NAV2: variants seen among roughly 807,000 people sequenced by gnomAD.
NAV2 encodes the protein neuron navigator 2.
In NAV2, 54 loss-of-function variants were observed where a neutral mutation model predicts 223.2. That is an observed-to-expected ratio of 0.24 (90% CI 0.19 to 0.30). NAV2 has a LOEUF of 0.30. Among genes scored for constraint, NAV2 ranks in the 10% least tolerant of loss-of-function variants. NAV2 has a pLI of 1.00. For missense variants in NAV2, 2,806 were observed against 3,147.5 expected (o/e 0.89, Z 2.60); for synonymous variants, 1,279 against 1,239.3 (o/e 1.03, Z -0.67).
At chr11:19,842,419 A>G (rs2060556052) in intron 2 of NAV2, among the ~76,000 whole-genome samples, 1 of 152,198 alleles carries the variant, frequency 6.6e-6, no homozygotes, top group Admixed American at 6.5e-5. Context: ...AACAAAAGCA[A>G]TATTAATCTG....
At chr11:20,068,053 G>A in intron 20 of NAV2, 133 bp from the exon 21 acceptor site, 1 of 831,900 alleles carries the variant, frequency 1.2e-6, no homozygotes, top group East Asian at 2.5e-5. Flanking sequence ...TTTTTCCAGA[G>A]AAATACACCA....
At chr11:19,474,050 C>G (rs939117435) in intron 1 of NAV2, among the ~76,000 whole-genome samples, 6 of 152,174 alleles carry the variant, frequency 3.9e-5, no homozygotes, top group African/African-American at 1.4e-4. Flanking sequence ...ATAGCCCTCT[C>G]TAGAGCACTG....
chr11:19,854,303 G>A (rs1186370854), intron 3 of NAV2, among the ~76,000 whole-genome samples: 1 of 152,152 alleles, frequency 6.6e-6, no homozygotes, highest in Non-Finnish European at 1.5e-5. Flanking sequence ...GTTAGCCTAT[G>A]GCATCTGCAT....
exon 1 of NAV2, chr11:19,350,915 G>T: frequency 6.5e-7 from 1 of 1,543,688 alleles, no homozygotes; most frequent in Non-Finnish European, 8.8e-7. Context: ...GGATTTGGAA[G>T]CATCGCTGAA....
At chr11:19,902,918 A>G (rs552526203) in intron 6 of NAV2, among the ~76,000 whole-genome samples, 110 of 152,212 alleles carry the variant, frequency 7.2e-4, no homozygotes, top group Non-Finnish European at 1.4e-3. Context: ...CATGTTCACA[A>G]TGTGAAGTGC....
intron 1 of NAV2, among the ~76,000 whole-genome samples, chr11:19,593,712 G>A (rs1208007878): frequency 6.6e-6 from 1 of 151,234 alleles, no homozygotes; most frequent in Non-Finnish European, 1.5e-5. Context: ...ATTTGGTGTT[G>A]CCACTATTTT....
intron 1 of NAV2, among the ~76,000 whole-genome samples, chr11:19,612,537 A>T (rs2135343008): frequency 6.6e-6 from 1 of 152,294 alleles, no homozygotes; most frequent in South Asian, 2.1e-4. Flanking sequence ...CAGATACCCT[A>T]AATCATCTCT....
chr11:19,884,177 AG>A (rs899072176), intron 5 of NAV2: 28 of 686,398 alleles, frequency 4.1e-5, no homozygotes, highest in Admixed American at 7.0e-5. Flanking sequence ...AACAGTGGGC[AG>A]GGGGGGAAAG....
At chr11:19,899,128 G>A (rs1241678310) in intron 6 of NAV2, among the ~76,000 whole-genome samples, 3 of 152,106 alleles carry the variant, frequency 2.0e-5, no homozygotes, top group Non-Finnish European at 2.9e-5. Flanking sequence ...AGCGCCATCC[G>A]TGATCCATGC....
intron 1 of NAV2, among the ~76,000 whole-genome samples, chr11:19,453,271 T>A (rs1398714891): frequency 2.0e-5 from 3 of 152,088 alleles, no homozygotes; most frequent in African/African-American, 7.2e-5. Context: ...AACAGGTGGA[T>A]CCCAGCTGAG....
chr11:20,094,742 A>G (rs530107558), intron 29 of NAV2, among the ~76,000 whole-genome samples: 1 of 152,274 alleles, frequency 6.6e-6, no homozygotes, highest in South Asian at 2.1e-4. Context: ...GACCCCAAAC[A>G]TTACTTATTT....
intron 1 of NAV2, among the ~76,000 whole-genome samples, chr11:19,683,123 T>C (rs951313314): frequency 2.0e-5 from 3 of 152,166 alleles, no homozygotes; most frequent in African/African-American, 7.2e-5. Flanking sequence ...TATTAAATGA[T>C]CCTTAAATTT....
chr11:19,691,656 C>T (rs1367072398), intron 1 of NAV2, among the ~76,000 whole-genome samples: 1 of 152,188 alleles, frequency 6.6e-6, no homozygotes, highest in Non-Finnish European at 1.5e-5. Context: ...CAAGCTCCGC[C>T]TCTCAGGTTC....
intron 6 of NAV2, among the ~76,000 whole-genome samples, chr11:19,926,841 G>C (rs2044795769): frequency 6.6e-6 from 1 of 152,054 alleles, no homozygotes; most frequent in Non-Finnish European, 1.5e-5. Context: ...GCAGTGACAG[G>C]AGCTGGGATC....
intron 1 of NAV2, among the ~76,000 whole-genome samples, chr11:19,697,363 C>CCCAA (rs2049374956): frequency 6.6e-6 from 1 of 151,914 alleles, no homozygotes. Flanking sequence ...TCGTTGAGAC[C>CCCAA]CCAAGCCTCT....
At chr11:19,688,066 G>A (rs998418373) in intron 1 of NAV2, among the ~76,000 whole-genome samples, 8 of 152,198 alleles carry the variant, frequency 5.3e-5, no homozygotes, top group Non-Finnish European at 1.2e-4. Flanking sequence ...CATAGAATGG[G>A]ATGAAAGAGG....
At chr11:19,743,959 T>A (rs1411017299) in intron 1 of NAV2, among the ~76,000 whole-genome samples, 2 of 152,158 alleles carry the variant, frequency 1.3e-5, no homozygotes, top group Admixed American at 1.3e-4. Flanking sequence ...CCTATTTGGG[T>A]TGTAGTATGC....
At chr11:19,696,599 T>G (rs1428890629) in intron 1 of NAV2, among the ~76,000 whole-genome samples, 1 of 152,240 alleles carries the variant, frequency 6.6e-6, no homozygotes, top group Non-Finnish European at 1.5e-5. Context: ...GATCATGGTT[T>G]ACTGGTTCTG....
rs7130789 is a variant in NAV2, at chr11:19,976,350, A to G, written c.2646-7775A>G. ...AGGCGTGTGTTGAGTTGAGCTGCAG[A>G]CAGCGACTCCCACGCTATCTCTTCT... On this transcript the variant is annotated intron_variant, in intron 10 of 37. Transcript: ENST00000349880. Among the ~76,000 whole-genome samples the G allele has an allele frequency of 1.7e-3, 261 of 152,282 alleles. 2 individuals are homozygous for G. Among genetic ancestry groups the G allele is most frequent in the African/African-American group, 6.0e-3 (250 of 41,574 alleles).
Sources: gnomAD v4.1 joint callset for allele counts (sites outside exome capture counted in the v4.1 genomes callset) on GRCh38, gnomAD v4.1.1 for gene constraint, MANE v1.5 for transcripts, NCBI Gene and HGNC (gene_info 2026-07-23, HGNC 2026-07-21) for gene names.